The following EPHA4 variants were observed in gnomAD, a reference collection of about 807,000 sequenced individuals.
EPHA4 encodes EPH receptor A4.
In EPHA4, 19 loss-of-function variants were observed where a neutral mutation model predicts 108.3. The observed-to-expected ratio is 0.18, with a 90% CI of 0.12 to 0.26. EPHA4 has a LOEUF of 0.26. Among genes scored for constraint, EPHA4 ranks in the 10% least tolerant of loss-of-function variants. EPHA4 has a pLI of 1.00. For missense variants in EPHA4, 917 were observed against 1,254.0 expected (o/e 0.73, Z 4.06); for synonymous variants, 449 against 455.5 (o/e 0.99, Z 0.18).
intron 4 of EPHA4, among the ~76,000 whole-genome samples, chr2:221,492,207 A>T (rs1692165558): frequency 6.6e-6 from 1 of 152,102 alleles, no homozygotes; most frequent in African/African-American, 2.4e-5. Context: ...AATTGTAATA[A>T]CCTGGCTAAA....
At chr2:221,510,955 A>G (rs1692808411) in intron 3 of EPHA4, among the ~76,000 whole-genome samples, 1 of 152,148 alleles carries the variant, frequency 6.6e-6, no homozygotes, top group African/African-American at 2.4e-5. Flanking sequence ...TGCTTCATAT[A>G]TGTATAAAGG....
chr2:221,455,203 T>A (rs1690906808), intron 8 of EPHA4, among the ~76,000 whole-genome samples: 2 of 152,146 alleles, frequency 1.3e-5, no homozygotes, highest in Admixed American at 6.5e-5. Context: ...GGGGCCCAAG[T>A]TTTATAGGGC....
chr2:221,481,100 T>C (rs3755029), intron 5 of EPHA4, among the ~76,000 whole-genome samples: 64,022 of 151,938 alleles, frequency 0.42, 13,589 homozygotes, highest in East Asian at 0.52. Context: ...AAGCCGGCAA[T>C]GTAAAACTCC....
intron 3 of EPHA4, among the ~76,000 whole-genome samples, chr2:221,525,113 A>T (rs1226039545): frequency 6.6e-6 from 1 of 152,204 alleles, no homozygotes; most frequent in African/African-American, 2.4e-5. Context: ...ATTTCATAAA[A>T]GAATGTGATA....
chr2:221,493,874 T>C (rs949638835), intron 4 of EPHA4, among the ~76,000 whole-genome samples: 1 of 152,212 alleles, frequency 6.6e-6, no homozygotes, highest in African/African-American at 2.4e-5. Flanking sequence ...TCTTAGGAAA[T>C]CTGCCCTCAT....
chr2:221,540,717 GA>G (rs759868908), intron 3 of EPHA4, among the ~76,000 whole-genome samples: 8 of 152,108 alleles, frequency 5.3e-5, no homozygotes, highest in Non-Finnish European at 1.2e-4. Context: ...TTTTATTAAG[GA>G]TTCCCTCTAC....
intron 3 of EPHA4, among the ~76,000 whole-genome samples, chr2:221,526,999 C>T (rs1693349873): frequency 6.7e-6 from 1 of 149,744 alleles, no homozygotes; most frequent in Admixed American, 6.6e-5. Context: ...TGGTGGTAGG[C>T]ACCTGTAGTC....
intron 3 of EPHA4, among the ~76,000 whole-genome samples, chr2:221,551,648 T>C (rs564658695): frequency 2.0e-5 from 3 of 152,280 alleles, no homozygotes; most frequent in East Asian, 3.9e-4. Context: ...CCCAGAATCA[T>C]GTATGAAGGC....
intron 3 of EPHA4, among the ~76,000 whole-genome samples, chr2:221,558,525 A>C (rs992242221): frequency 2.0e-5 from 3 of 152,174 alleles, no homozygotes; most frequent in African/African-American, 7.2e-5. Flanking sequence ...TAACTGAAAA[A>C]CCACTTAAGA....
At chr2:221,461,766 G>GA (rs1490996213) in intron 5 of EPHA4, among the ~76,000 whole-genome samples, 2 of 152,010 alleles carry the variant, frequency 1.3e-5, no homozygotes, top group Non-Finnish European at 2.9e-5. Flanking sequence ...TAGTCTTAAA[G>GA]AAAAAACACT....
chr2:221,444,822 A>C (rs1448499958), intron 9 of EPHA4, among the ~76,000 whole-genome samples: 1 of 120,110 alleles, frequency 8.3e-6, no homozygotes, highest in African/African-American at 3.2e-5. Context: ...CAGTGGTAGG[A>C]TCTTGGTTCA....
At chr2:221,572,010 C>A (rs1211794351) in intron 1 of EPHA4, 148 bp downstream of exon 1, 1 of 673,754 alleles carries the variant, frequency 1.5e-6, no homozygotes, top group Non-Finnish European at 2.6e-6. Context: ...CTTCGCCGAT[C>A]CCCTCGCCTC....
chr2:221,464,667 C>T (rs974146920), intron 5 of EPHA4, among the ~76,000 whole-genome samples: 10 of 152,104 alleles, frequency 6.6e-5, no homozygotes, highest in South Asian at 2.1e-4. Flanking sequence ...GCGGTACATT[C>T]GACCAGCCAG....
At chr2:221,455,747 G>A in intron 7 of EPHA4, 89 bp from the exon 8 acceptor site, 1 of 884,850 alleles carries the variant, frequency 1.1e-6, no homozygotes, top group Non-Finnish European at 1.8e-6. Context: ...GTGTTCTGAA[G>A]CCACTTGGAG....
intron 3 of EPHA4, among the ~76,000 whole-genome samples, chr2:221,544,541 G>T (rs1693929327): frequency 6.6e-6 from 1 of 152,094 alleles, no homozygotes; most frequent in East Asian, 1.9e-4. Context: ...GGCCAGGCTG[G>T]TCTCGAACTC....
At chr2:221,567,574 T>C (rs1354516196) in intron 2 of EPHA4, among the ~76,000 whole-genome samples, 2 of 152,104 alleles carry the variant, frequency 1.3e-5, no homozygotes, top group Non-Finnish European at 2.9e-5. Context: ...GCAGAAAAAA[T>C]AGGAAGACAG....
chr2:221,499,742 ATATATATATATATATTT>A (rs1255593426), intron 4 of EPHA4, among the ~76,000 whole-genome samples: 8 of 56,462 alleles, frequency 1.4e-4, no homozygotes, highest in African/African-American at 7.8e-4. Context: ...ATATATATAT[ATATATATATATATATTT>A]TTTTTTTTTT....
At chr2:221,516,570 G>A (rs1238536525) in intron 3 of EPHA4, among the ~76,000 whole-genome samples, 1 of 152,086 alleles carries the variant, frequency 6.6e-6, no homozygotes, top group African/African-American at 2.4e-5. Flanking sequence ...GGTCAGGCTG[G>A]TCTTGAACTC....
At chr2:221,535,563 A>T (rs1370559823) in intron 3 of EPHA4, among the ~76,000 whole-genome samples, 2 of 152,248 alleles carry the variant, frequency 1.3e-5, no homozygotes, top group Admixed American at 6.5e-5. Context: ...AATTATGCCA[A>T]ATCAAAGGCA....
Sources: allele counts gnomAD v4.1 joint callset (sites outside exome capture counted in the v4.1 genomes callset), GRCh38; gene constraint gnomAD v4.1.1; transcripts MANE v1.5; gene names NCBI Gene and HGNC (gene_info 2026-07-23, HGNC 2026-07-21).